The following LHFPL3 variants were observed in gnomAD, a reference collection of about 807,000 sequenced individuals.
LHFPL3 encodes the protein LHFPL tetraspan subfamily member 3 protein.
In LHFPL3, 5 loss-of-function variants were observed where a neutral mutation model predicts 19.3. The ratio of observed to expected loss-of-function variants is 0.26; its 90% CI spans 0.14 to 0.54. The LOEUF (loss-of-function observed/expected upper bound fraction) is 0.54. LHFPL3 is among the 20% of genes least tolerant of loss of function. LHFPL3 has a pLI of 0.94. For missense variants in LHFPL3, 249 were observed against 307.4 expected, an observed-to-expected ratio of 0.81 and a Z score of 1.42; for synonymous variants, 133 against 126.2, an observed-to-expected ratio of 1.05 and a Z score of -0.36.
chr7:104,673,002 C>G lies in LHFPL3; in HGVS notation c.446-63673C>G, dbSNP rs4483077. The stretch of plus-strand genomic sequence containing the variant: ...CTAATCTGAATGAAATAATGCCCCC[C>G]CTTTTCACTTACCCTTTAATGTTTA... On this transcript the variant is annotated intron_variant, in intron 1 of 2. Coordinates refer to ENST00000424859, the MANE Select transcript of LHFPL3 (RefSeq NM_199000.3). 1.2e-3 allele frequency among the ~76,000 whole-genome samples: 177 copies of G among 152,286 alleles called. No individual in the cohort carries two copies. In the South Asian group the frequency reaches 0.03, roughly 26 times the overall value.
intron 1 of LHFPL3, among the ~76,000 whole-genome samples, chr7:104,523,147 T>C (rs994278345): frequency 2.0e-5 from 3 of 152,160 alleles, no homozygotes; most frequent in African/African-American, 7.2e-5. Context: ...TCATATAAAG[T>C]ATGCTTCTCA....
chr7:104,340,209 G>T (rs1789919589), intron 1 of LHFPL3, among the ~76,000 whole-genome samples: 1 of 152,008 alleles, frequency 6.6e-6, no homozygotes, highest in Non-Finnish European at 1.5e-5. Context: ...TTTAAAAAGA[G>T]ATTGCAAGTT....
intron 1 of LHFPL3, among the ~76,000 whole-genome samples, chr7:104,682,648 T>C (rs946105647): frequency 6.6e-6 from 1 of 152,190 alleles, no homozygotes; most frequent in Non-Finnish European, 1.5e-5. Context: ...CTGTGCCAGC[T>C]GGAAAAACAA....
chr7:104,523,312 T>C (rs1794115260), intron 1 of LHFPL3, among the ~76,000 whole-genome samples: 1 of 152,164 alleles, frequency 6.6e-6, no homozygotes, highest in South Asian at 2.1e-4. Context: ...CTGTGGACTA[T>C]ATAAAACACA....
At chr7:104,704,317 A>T (rs1793149220) in intron 1 of LHFPL3, among the ~76,000 whole-genome samples, 1 of 152,166 alleles carries the variant, frequency 6.6e-6, no homozygotes, top group Non-Finnish European at 1.5e-5. Context: ...ACTGCTTCAA[A>T]ATTTTAGTTC....
intron 1 of LHFPL3, among the ~76,000 whole-genome samples, chr7:104,688,523 T>C (rs1018658630): frequency 3.7e-4 from 56 of 152,092 alleles, no homozygotes; most frequent in African/African-American, 1.3e-3. Context: ...ACTGAGCTTG[T>C]AAAGTCTAAA....
intron 2 of LHFPL3, among the ~76,000 whole-genome samples, chr7:104,740,709 A>G (rs1337651474): frequency 1.3e-5 from 2 of 152,182 alleles, no homozygotes; most frequent in Admixed American, 1.3e-4. Flanking sequence ...ACTCATTATC[A>G]CGAGAACAGT....
chr7:104,650,821 C>T (rs79406071), intron 1 of LHFPL3, among the ~76,000 whole-genome samples: 2 of 152,050 alleles, frequency 1.3e-5, no homozygotes, highest in African/African-American at 2.4e-5. Context: ...GCCATTAAAG[C>T]AAAATGGACA....
chr7:104,566,475 A>T (rs1225195827), intron 1 of LHFPL3, among the ~76,000 whole-genome samples: 1 of 152,196 alleles, frequency 6.6e-6, no homozygotes, highest in Non-Finnish European at 1.5e-5. Flanking sequence ...GTTGTGAATG[A>T]TAAATATTTA....
At chr7:104,395,549 A>T (rs1446181957) in intron 1 of LHFPL3, among the ~76,000 whole-genome samples, 1 of 152,122 alleles carries the variant, frequency 6.6e-6, no homozygotes, top group African/African-American at 2.4e-5. Flanking sequence ...CCATAATTTT[A>T]TGTATTTGGT....
At chr7:104,863,234 T>C (rs185731925) in intron 2 of LHFPL3, among the ~76,000 whole-genome samples, 6 of 152,318 alleles carry the variant, frequency 3.9e-5, no homozygotes, top group Non-Finnish European at 7.4e-5. Context: ...ATAAAGTGAA[T>C]GATGCAAAAA....
chr7:104,526,931 C>A (rs1794198487), intron 1 of LHFPL3, among the ~76,000 whole-genome samples: 1 of 152,130 alleles, frequency 6.6e-6, no homozygotes. Flanking sequence ...AAACACATAC[C>A]TTTGTAATAA....
At chr7:104,773,224 A>T (rs1794587768) in intron 2 of LHFPL3, among the ~76,000 whole-genome samples, 1 of 151,998 alleles carries the variant, frequency 6.6e-6, no homozygotes, top group South Asian at 2.1e-4. Context: ...GCTGGACTTC[A>T]CCCCCCATCC....
chr7:104,608,479 C>T (rs1791148157), intron 1 of LHFPL3, among the ~76,000 whole-genome samples: 1 of 124,256 alleles, frequency 8.0e-6, no homozygotes. Context: ...GGGAACATCA[C>T]ACTCCGGGGA....
chr7:104,535,544 C>A (rs1371392464), intron 1 of LHFPL3, among the ~76,000 whole-genome samples: 2 of 152,128 alleles, frequency 1.3e-5, no homozygotes, highest in Non-Finnish European at 2.9e-5. Context: ...ACCAAATAAC[C>A]CCCTCAAGCA....
intron 1 of LHFPL3, among the ~76,000 whole-genome samples, chr7:104,395,610 G>C (rs1791167565): frequency 6.6e-6 from 1 of 152,176 alleles, no homozygotes; most frequent in East Asian, 1.9e-4. Context: ...AGGAGAGGTA[G>C]GAGTAATTGT....
intron 2 of LHFPL3, among the ~76,000 whole-genome samples, chr7:104,883,919 A>G (rs1390701148): frequency 6.6e-6 from 1 of 152,080 alleles, no homozygotes. Flanking sequence ...ACTCCTGAGC[A>G]CACTTCCCTT....
At chr7:104,798,162 A>G (rs2116466250) in intron 2 of LHFPL3, among the ~76,000 whole-genome samples, 1 of 152,296 alleles carries the variant, frequency 6.6e-6, no homozygotes, top group East Asian at 1.9e-4. Flanking sequence ...CACCAAACAG[A>G]GCCACCACTT....
chr7:104,427,122 C>G (rs756040360), intron 1 of LHFPL3, among the ~76,000 whole-genome samples: 1 of 152,084 alleles, frequency 6.6e-6, no homozygotes, highest in African/African-American at 2.4e-5. Flanking sequence ...TACAGGAGAT[C>G]GTCAAATCCA....
Sources: gnomAD v4.1 joint callset for allele counts (sites outside exome capture counted in the v4.1 genomes callset) on GRCh38, gnomAD v4.1.1 for gene constraint, MANE v1.5 for transcripts, NCBI Gene and HGNC (gene_info 2026-07-23, HGNC 2026-07-21) for gene names.